PCDHA1: variants seen among roughly 807,000 people sequenced by gnomAD.
The protein encoded by PCDHA1 is protocadherin alpha-1.
PCDHA1 carries 42 observed loss-of-function variants against 61.3 expected under a neutral mutation model. That is an observed-to-expected ratio of 0.69 (90% CI 0.54 to 0.89). The LOEUF (loss-of-function observed/expected upper bound fraction) is 0.89, where lower values mean the gene tolerates loss of function less well. Among genes scored for constraint, PCDHA1 ranks in the 40% least tolerant of loss-of-function variants. PCDHA1 has a pLI of 0.00. For missense variants in PCDHA1, 1,256 were observed against 1,235.3 expected, an observed-to-expected ratio of 1.02 and a Z score of -0.25; for synonymous variants, 610 against 553.8, an observed-to-expected ratio of 1.10 and a Z score of -1.43.
intron 1 of PCDHA1, among the ~76,000 whole-genome samples, chr5:140,897,966 T>C (rs1339473229): frequency 5.3e-5 from 8 of 152,276 alleles, no homozygotes; most frequent in African/African-American, 1.9e-4. Flanking sequence ...TTCATGTGTC[T>C]TTTGGCTGCA....
At chr5:140,809,334 T>C (rs782036778) in intron 1 of PCDHA1, 6 of 1,614,092 alleles carry the variant, frequency 3.7e-6, no homozygotes, top group Non-Finnish European at 5.1e-6. Flanking sequence ...CTCACGCTGC[T>C]GCTGTACACC....
chr5:140,986,358 A>C (rs1440671712), intron 3 of PCDHA1, among the ~76,000 whole-genome samples: 1 of 152,116 alleles, frequency 6.6e-6, no homozygotes, highest in African/African-American at 2.4e-5. Context: ...CTTCAGATGG[A>C]GGAATGCGTT....
At chr5:140,895,481 A>G (rs1344099308) in intron 1 of PCDHA1, among the ~76,000 whole-genome samples, 1 of 152,168 alleles carries the variant, frequency 6.6e-6, no homozygotes, top group African/African-American at 2.4e-5. Flanking sequence ...CTTCGGAGAA[A>G]TACCTATTCA....
chr5:140,857,383 C>T (rs781834606), intron 1 of PCDHA1: 2 of 1,598,150 alleles, frequency 1.3e-6, no homozygotes, highest in Admixed American at 1.7e-5. Context: ...TGGAGGTGGC[C>T]GACGTGAACG....
intron 1 of PCDHA1, among the ~76,000 whole-genome samples, chr5:140,899,276 A>G (rs1402457704): frequency 2.8e-4 from 42 of 152,318 alleles, no homozygotes; most frequent in African/African-American, 9.4e-4. Flanking sequence ...GGCAGTTTTC[A>G]AAGGGAATAC....
chr5:140,929,681 A>C, intron 1 of PCDHA1: 1 of 302,408 alleles, frequency 3.3e-6, no homozygotes. Flanking sequence ...AAAAATATGT[A>C]AGAGTCTGCT....
At chr5:140,822,997 C>T in intron 1 of PCDHA1, 1 of 1,614,238 alleles carries the variant, frequency 6.2e-7, no homozygotes, top group African/African-American at 1.3e-5. Flanking sequence ...CTCGTTGGTG[C>T]TGGACAGCGC....
At chr5:140,842,169 G>A (rs2150330880) in intron 1 of PCDHA1, 3 of 1,613,820 alleles carry the variant, frequency 1.9e-6, no homozygotes, top group South Asian at 1.1e-5. Context: ...TCTTTTAATA[G>A]CCTTGTTGAA....
At chr5:140,941,523 A>T (rs1351933430) in intron 1 of PCDHA1, among the ~76,000 whole-genome samples, 1 of 151,186 alleles carries the variant, frequency 6.6e-6, no homozygotes, top group Non-Finnish European at 1.5e-5. Flanking sequence ...CACCATCTTG[A>T]CCAGGCTGGT....
intron 1 of PCDHA1, among the ~76,000 whole-genome samples, chr5:140,960,366 ACT>A (rs2095543381): frequency 6.6e-6 from 1 of 152,188 alleles, no homozygotes; most frequent in Non-Finnish European, 1.5e-5. Flanking sequence ...TAATATGCCA[ACT>A]CTTAAGTGCC....
At chr5:140,922,791 T>A (rs1454046146) in intron 1 of PCDHA1, among the ~76,000 whole-genome samples, 1 of 152,078 alleles carries the variant, frequency 6.6e-6, no homozygotes, top group Non-Finnish European at 1.5e-5. Flanking sequence ...AAACTGTAGC[T>A]TTGGAATACA....
chr5:140,786,448 GA>G lies in PCDHA1; in HGVS notation c.159del (p.Leu54TrpfsTer24). ...GTTGGCCGCGTTGCTCAGGACCTGG[GA>G]CTGGAGCTGGCGGAGCTGGTGCCTC... ...TFVGRVAQDLGLELAELVPRL... is the reference protein window; with the variant it reads ...TFVGRVAQDLXLELAELVPRL... On this transcript the variant is annotated frameshift_variant, in exon 1 of 4. Transcript: ENST00000504120. LOFTEE classifies it high-confidence loss of function. The G allele has an allele frequency of 6.2e-7, 1 of 1,613,532 alleles. No individual in the cohort carries two copies. Among genetic ancestry groups the G allele is most frequent in the Non-Finnish European group, 8.5e-7 (1 of 1,180,046 alleles).
At chr5:140,802,980 C>T (rs1299551760) in intron 1 of PCDHA1, 1 of 1,613,880 alleles carries the variant, frequency 6.2e-7, no homozygotes, top group African/African-American at 1.3e-5. Flanking sequence ...AGCGAAGGTG[C>T]GCGCAGTGGA....
At chr5:140,824,317 G>A in intron 1 of PCDHA1, 1 of 731,928 alleles carries the variant, frequency 1.4e-6, no homozygotes, top group Non-Finnish European at 2.3e-6. Context: ...AGATTCATCA[G>A]CTTTCTGTGA....
intron 1 of PCDHA1, chr5:140,882,865 A>G (rs1554175879): frequency 6.2e-7 from 1 of 1,614,248 alleles, no homozygotes; most frequent in Non-Finnish European, 8.5e-7. Context: ...TGAGGAAAAC[A>G]CTGGACAGAG....
intron 1 of PCDHA1, among the ~76,000 whole-genome samples, chr5:140,794,586 T>C (rs1370628991): frequency 2.6e-5 from 4 of 152,266 alleles, no homozygotes; most frequent in African/African-American, 4.8e-5. Flanking sequence ...TACTGAAATG[T>C]ACATTTAATC....
At chr5:140,824,127 C>G (rs370659144) in intron 1 of PCDHA1, 1 of 1,613,450 alleles carries the variant, frequency 6.2e-7, no homozygotes, top group Non-Finnish European at 8.5e-7. Flanking sequence ...CTACAGACAA[C>G]GTGAGTTTTC....
chr5:140,862,657 C>T (rs2047475881), intron 1 of PCDHA1: 2 of 545,364 alleles, frequency 3.7e-6, no homozygotes, highest in South Asian at 2.8e-5. Context: ...CGCGCGGGAC[C>T]GGGACGCGCA....
intron 1 of PCDHA1, among the ~76,000 whole-genome samples, chr5:140,961,312 A>G (rs2095603612): frequency 6.6e-6 from 1 of 152,156 alleles, no homozygotes; most frequent in Non-Finnish European, 1.5e-5. Context: ...ATGATTTACC[A>G]GGCTCTGTTT....
Sources: gnomAD v4.1 joint callset for allele counts (sites outside exome capture counted in the v4.1 genomes callset) on GRCh38, gnomAD v4.1.1 for gene constraint, MANE v1.5 for transcripts, NCBI Gene and HGNC (gene_info 2026-07-23, HGNC 2026-07-21) for gene names.